TULP2: variants seen among roughly 807,000 people sequenced by gnomAD.
TULP2 encodes tubby-related protein 2.
In TULP2, 64 loss-of-function variants were observed where a neutral mutation model predicts 60.3. The ratio of observed to expected loss-of-function variants is 1.06; its 90% CI spans 0.87 to 1.31. The LOEUF is 1.31. TULP2 is among the 50% of genes most tolerant of loss of function. The pLI is 0.00. For synonymous variants in TULP2, 267 were observed against 265.4 expected (o/e 1.01, Z -0.06); for missense variants, 652 against 667.0 (o/e 0.98, Z 0.25).
In TULP2 at chr19:48,897,727, G is replaced by A; in HGVS notation, c.32+110C>T. ...GAGTCCAGGTCCCCAGCCCCTTCCT[G>A]CAAGGCCGATGGTGCTGAACCTGCA... On this transcript the variant is annotated intron_variant, in intron 2 of 12. Coordinates refer to ENST00000221399, the MANE Select transcript of TULP2 (RefSeq NM_003323.3). This position sits in a 1 kb window ranked among gnomAD's most constrained non-coding sequence, Gnocchi z 4.0. 8.3e-7 allele frequency: 1 copy of A among 1,207,326 alleles called. No individual in the cohort carries two copies. Among genetic ancestry groups the A allele is most frequent in the Non-Finnish European group, 1.2e-6 (1 of 813,220 alleles). 74.8% of individuals were successfully genotyped at this position (1,207,326 alleles called of 1,614,324 possible).
intron 4 of TULP2, among the ~76,000 whole-genome samples, chr19:48,895,997 C>T (rs1038917454): frequency 6.6e-6 from 1 of 152,188 alleles, no homozygotes; most frequent in African/African-American, 2.4e-5. Flanking sequence ...TTGCGGGCTC[C>T]GCACGTAAAG....
chr19:48,882,290 G>T (rs1003491338), intron 11 of TULP2, 87 bp from the exon 12 acceptor site: 1 of 1,461,496 alleles, frequency 6.8e-7, no homozygotes, highest in Non-Finnish European at 9.4e-7. Context: ...GAACAGGGGC[G>T]ACTCCATCTT....
At chr19:48,886,820 CT>C (rs1383932667) in intron 8 of TULP2, among the ~76,000 whole-genome samples, 3 of 151,516 alleles carry the variant, frequency 2.0e-5, no homozygotes, top group Admixed American at 6.6e-5. Flanking sequence ...GCCATTTTCC[CT>C]CAGCCTCAGC....
intron 8 of TULP2, among the ~76,000 whole-genome samples, chr19:48,886,462 T>A (rs1440782273): frequency 6.6e-6 from 1 of 152,056 alleles, no homozygotes; most frequent in African/African-American, 2.4e-5. Context: ...CTTTGGAGAA[T>A]GGGGAGCACC....
intron 11 of TULP2, among the ~76,000 whole-genome samples, chr19:48,883,151 C>T (rs1270788809): frequency 6.7e-6 from 1 of 150,350 alleles, no homozygotes; most frequent in Admixed American, 6.6e-5. Flanking sequence ...CCGGGGAGGT[C>T]GAGCTTGCAG....
At chr19:48,889,221 C>T (rs182985837) in intron 7 of TULP2, among the ~76,000 whole-genome samples, 1 of 152,204 alleles carries the variant, frequency 6.6e-6, no homozygotes, top group Non-Finnish European at 1.5e-5. Context: ...AGTGATCTGC[C>T]CACCTCAGCC....
chr19:48,891,081 G>A (rs1169007532), intron 6 of TULP2, among the ~76,000 whole-genome samples: 4 of 151,586 alleles, frequency 2.6e-5, no homozygotes, highest in Non-Finnish European at 5.9e-5. Flanking sequence ...TTGGGAGGCC[G>A]AGGCGGGCGG....
intron 6 of TULP2, among the ~76,000 whole-genome samples, chr19:48,893,045 C>T (rs2037248004): frequency 6.6e-6 from 1 of 151,898 alleles, no homozygotes; most frequent in African/African-American, 2.4e-5. Flanking sequence ...GAGTTCAAGA[C>T]CAGCCTAGGC....
rs1425697004 is a variant in TULP2 at position 48,895,044 on chromosome 19, C to T, written c.468G>A (p.Gln156=). ...AACCCTTGCGTCGGATTCTCGGAGA[C>T]TGTTTAAAAGGTGGGGGAGAGACGG... ...NGSVSPPPFK[Q]SPRIRRKGWQ... Residue 156 remains glutamine (Q), a synonymous_variant, in exon 6 of 13, where the codon CAG becomes CAA. Transcript: ENST00000221399. 5 of 1,614,020 alleles carry T rather than the reference C, an allele frequency of 3.1e-6. No individual in the cohort carries two copies. Among genetic ancestry groups the T allele is most frequent in the Non-Finnish European group, 4.2e-6 (5 of 1,180,012 alleles).
rs778316199 is a variant in TULP2, at chr19:48,897,889, G to A, written c.-1-20C>T. ...GACATTCTGCAGAAGCAAGAATGAG[G>A]AGTCAGGATCAGAACCAACATCCCA... On this transcript the variant is annotated intron_variant, in intron 1 of 12. Coordinates refer to ENST00000221399, the MANE Select transcript of TULP2 (RefSeq NM_003323.3). The surrounding 1 kb of genome is among the most constrained non-coding windows in gnomAD (Gnocchi z 4.0). The A allele has an allele frequency of 1.9e-6, 3 of 1,611,732 alleles. No individual in the cohort carries two copies. The highest frequency in any genetic ancestry group is 2.5e-6 in the Non-Finnish European group (3 of 1,178,966).
chr19:48,887,120 T>C (rs1486785453), intron 8 of TULP2, among the ~76,000 whole-genome samples: 1 of 145,772 alleles, frequency 6.9e-6, no homozygotes, highest in African/African-American at 2.6e-5. Context: ...TCAAGCATTC[T>C]CCTGCCTCAG....
chr19:48,888,966 C>T (rs1431509710), intron 7 of TULP2, among the ~76,000 whole-genome samples: 1 of 150,044 alleles, frequency 6.7e-6, no homozygotes, highest in Non-Finnish European at 1.5e-5. Flanking sequence ...TTCTGAAGCT[C>T]GCTGTCTTTC....
chr19:48,881,265 A>C, intron 12 of TULP2, 139 bp from the exon 13 acceptor site: 1 of 538,570 alleles, frequency 1.9e-6, no homozygotes, highest in Non-Finnish European at 3.1e-6. Context: ...GCTGGAGTGC[A>C]GTGACCTGAT....
chr19:48,882,647 A>G (rs1423659738), intron 11 of TULP2, among the ~76,000 whole-genome samples: 3 of 152,098 alleles, frequency 2.0e-5, no homozygotes, highest in East Asian at 3.8e-4. Context: ...ATTTGTCCCA[A>G]TTGGCTAGCA....
chr19:48,882,074 G>A lies in TULP2; in HGVS notation c.1405C>T (p.Arg469Trp), dbSNP rs760643540. ...YTLNFHGRVT[R>W]ASVKNFQIVD... Reference sequence around the variant, plus strand: ...ATTTGGAAGTTCTTCACCGAAGCCCGAGTGACTCGACCATGGAAATTGAGC... The same window carrying A: ...ATTTGGAAGTTCTTCACCGAAGCCCAAGTGACTCGACCATGGAAATTGAGC... The change falls in exon 12 of 13, where the codon CGG (arginine) becomes TGG (tryptophan). Residue 469 changes from arginine (R) to tryptophan (W), a missense_variant. Transcript: ENST00000221399. 11 of 1,614,054 alleles carry A rather than the reference G, an allele frequency of 6.8e-6. No homozygotes were observed. The highest frequency in any genetic ancestry group is 8.5e-6 in the Non-Finnish European group (10 of 1,180,052).
chr19:48,882,003 C>T, intron 12 of TULP2, 29 bp downstream of exon 12: 1 of 1,614,150 alleles, frequency 6.2e-7, no homozygotes, highest in South Asian at 1.1e-5. Flanking sequence ...CCCCACCTGG[C>T]CCGGCTAAAC....
chr19:48,884,851 G>A (rs1568569380), intron 9 of TULP2, among the ~76,000 whole-genome samples: 1 of 151,028 alleles, frequency 6.6e-6, no homozygotes, highest in East Asian at 1.9e-4. Flanking sequence ...TTTCTTGGGT[G>A]AGCCATGTAC....
rs531010094 is a variant in TULP2 at position 48,895,037 on chromosome 19, T to C, written c.475A>G (p.Arg159Gly). The change falls in exon 6 of 13, where the codon AGA becomes GGA. Residue 159 changes from arginine to glycine, a missense_variant. Arg to Gly is a moderately radical substitution (Grantham distance 125, BLOSUM62 -2). Transcript: ENST00000221399. ...VSPPPFKQSP[R>G]IRRKGWQAHQ... is the part of the protein sequence containing the mutation. ...GCTTGCCAACCCTTGCGTCGGATTC[T>C]CGGAGACTGTTTAAAAGGTGGGGGA... 2 of 1,614,096 alleles carry C rather than the reference T, an allele frequency of 1.2e-6. No individual in the cohort carries two copies. The highest frequency in any genetic ancestry group is 1.7e-4 in the Middle Eastern group (1 of 6,040).
chr19:48,891,001 T>C (rs553306063), intron 6 of TULP2, among the ~76,000 whole-genome samples: 2 of 151,020 alleles, frequency 1.3e-5, no homozygotes, highest in Admixed American at 1.3e-4. Flanking sequence ...GTACTGATAA[T>C]ACTACCACAC....
Sources: allele counts gnomAD v4.1 joint callset (sites outside exome capture counted in the v4.1 genomes callset), GRCh38; gene constraint gnomAD v4.1.1; non-coding constraint Gnocchi (gnomAD v3.1); transcripts MANE v1.5; gene names NCBI Gene and HGNC (gene_info 2026-07-23, HGNC 2026-07-21).